ELMOD1: variants seen among roughly 807,000 people sequenced by gnomAD.
ELMOD1 encodes the protein ELMO domain-containing protein 1.
ELMOD1 carries 21 observed loss-of-function variants against 46.7 expected under a neutral mutation model. The ratio of observed to expected loss-of-function variants is 0.45; its 90% CI spans 0.32 to 0.65. The LOEUF (loss-of-function observed/expected upper bound fraction) is 0.65. Among genes scored for constraint, ELMOD1 ranks in the 30% least tolerant of loss-of-function variants. The pLI, the probability that ELMOD1 is intolerant of heterozygous loss-of-function variation, is 0.04. For missense variants in ELMOD1, 348 were observed against 407.8 expected, an observed-to-expected ratio of 0.85 and a Z score of 1.26; for synonymous variants, 122 against 138.2, an observed-to-expected ratio of 0.88 and a Z score of 0.82.
At chr11:107,599,779 A>AAAAG (rs1565368312) in intron 1 of ELMOD1, among the ~76,000 whole-genome samples, 2,915 of 150,084 alleles carry the variant, frequency 0.019, 99 homozygotes, top group African/African-American at 0.067. Flanking sequence ...AAAAAAAAAA[A>AAAAG]CTGTATCCTA....
At chr11:107,608,706 A>G (rs1384005486) in intron 1 of ELMOD1, among the ~76,000 whole-genome samples, 1 of 152,220 alleles carries the variant, frequency 6.6e-6, no homozygotes, top group Non-Finnish European at 1.5e-5. Context: ...TTTCTGGTTT[A>G]GAAACTTCTA....
chr11:107,598,951 G>A (rs574685393), intron 1 of ELMOD1, among the ~76,000 whole-genome samples: 9 of 152,276 alleles, frequency 5.9e-5, no homozygotes, highest in South Asian at 4.1e-4. Context: ...CCATTTTTAC[G>A]TGGGACCTAT....
intron 1 of ELMOD1, chr11:107,600,522 T>G (rs1027806025): frequency 2.6e-5 from 4 of 152,228 alleles, no homozygotes; most frequent in African/African-American, 9.6e-5. Flanking sequence ...GCTGAGGATT[T>G]GTGTAAAAAA....
chr11:107,656,346 C>T (rs1866630809), intron 11 of ELMOD1, among the ~76,000 whole-genome samples: 1 of 150,892 alleles, frequency 6.6e-6, no homozygotes, highest in Non-Finnish European at 1.5e-5. Context: ...CGAGATCATG[C>T]CACTGCACTC....
intron 4 of ELMOD1, among the ~76,000 whole-genome samples, 179 bp from the exon 5 acceptor site, chr11:107,631,401 C>CCT (rs1311880349): frequency 2.9e-5 from 2 of 68,486 alleles, no homozygotes; most frequent in African/African-American, 1.5e-4. Flanking sequence ...TGCACTACCC[C>CCT]CCCCCCCATC....
chr11:107,655,573 C>CTTTTTTTTTTTTTTTTTTT lies in ELMOD1; in HGVS notation c.699-345_699-344insTTTTTTTTTTTTTTTTTTT, dbSNP rs746890763. 2.1e-4 allele frequency among the ~76,000 whole-genome samples: 24 copies of CTTTTTTTTTTTTTTTTTTT among 112,446 alleles called. 3 individuals carry two copies. Among genetic ancestry groups the CTTTTTTTTTTTTTTTTTTT allele is most frequent in the East Asian group, 1.3e-3 (4 of 3,142 alleles). 73.8% of individuals were successfully genotyped at this position (112,446 alleles called of 152,430 possible). A position where few individuals can be genotyped will look rare whatever the true frequency, so the allele number is the denominator to read the frequency against. Reference sequence around the variant, plus strand: ...ATCAGATTACCCATTATTGAAATGCCTTTTTTTTTTTTTTTGTAAAGTGAA... The same window carrying CTTTTTTTTTTTTTTTTTTT: ...ATCAGATTACCCATTATTGAAATGCCTTTTTTTTTTTTTTTTTTTTTTTTTTTTTTTTTTGTAAAGTGAA... On this transcript the variant is annotated intron_variant, in intron 10 of 11. Coordinates refer to ENST00000265840, the MANE Select transcript of ELMOD1 (RefSeq NM_018712.4).
intron 6 of ELMOD1, among the ~76,000 whole-genome samples, chr11:107,637,413 C>T (rs1472148830): frequency 6.6e-6 from 1 of 152,168 alleles, no homozygotes; most frequent in African/African-American, 2.4e-5. Flanking sequence ...CTAAATCTGG[C>T]CAGGTGTGGT....
intron 1 of ELMOD1, among the ~76,000 whole-genome samples, chr11:107,615,186 A>T (rs1419177282): frequency 1.3e-5 from 2 of 149,478 alleles, no homozygotes; most frequent in East Asian, 4.0e-4. Flanking sequence ...AGCTACAAAG[A>T]TAGTACAGAG....
At chr11:107,651,547 G>A (rs11212312) in intron 9 of ELMOD1, among the ~76,000 whole-genome samples, 72 of 152,140 alleles carry the variant, frequency 4.7e-4, no homozygotes, top group Middle Eastern at 3.4e-3. Context: ...GATTCATTAA[G>A]TCATATTACA....
At chr11:107,656,640 A>G (rs1419660092) in intron 11 of ELMOD1, among the ~76,000 whole-genome samples, 1 of 151,936 alleles carries the variant, frequency 6.6e-6, no homozygotes, top group East Asian at 1.9e-4. Flanking sequence ...ATCTACACTT[A>G]TATTTTCAGG....
At chr11:107,608,802 A>G (rs1865730125) in intron 1 of ELMOD1, among the ~76,000 whole-genome samples, 2 of 152,194 alleles carry the variant, frequency 1.3e-5, no homozygotes, top group African/African-American at 4.8e-5. Flanking sequence ...TCCTCCAGGT[A>G]GCTCCCAGAG....
At chr11:107,611,625 A>G (rs185138971) in intron 1 of ELMOD1, among the ~76,000 whole-genome samples, 2 of 149,974 alleles carry the variant, frequency 1.3e-5, no homozygotes, top group African/African-American at 4.9e-5. Context: ...GAATGGCGTG[A>G]ACCTGGGAGG....
chr11:107,611,201 C>T (rs1177215455), intron 1 of ELMOD1, among the ~76,000 whole-genome samples: 1 of 151,924 alleles, frequency 6.6e-6, no homozygotes, highest in African/African-American at 2.4e-5. Context: ...AAAATATTCA[C>T]AAACTATGCA....
chr11:107,654,005 C>T, intron 9 of ELMOD1, 167 bp from the exon 10 acceptor site: 2 of 625,456 alleles, frequency 3.2e-6, no homozygotes, highest in Non-Finnish European at 5.7e-6. Context: ...TTAAATAATT[C>T]CATTTCTGAC....
Position 107,630,724 on chromosome 11 carries a change from G to GT in ELMOD1, c.189dup (p.Lys64Ter). 1 of 1,602,328 alleles carries GT rather than the reference G, an allele frequency of 6.2e-7. No homozygotes were observed. On this transcript the variant is annotated frameshift_variant, in exon 4 of 12. Transcript: ENST00000265840. LOFTEE classifies it high-confidence loss of function. Reference sequence around the variant, plus strand: ...GAAACATCACTGAGGGATTCTAAAAGTAAGGTAAGTAAAATTATTTTTCAG... The same window carrying GT: ...GAAACATCACTGAGGGATTCTAAAAGTTAAGGTAAGTAAAATTATTTTTCAG...
chr11:107,612,810 A>G (rs1281445956), intron 1 of ELMOD1, among the ~76,000 whole-genome samples: 2 of 152,240 alleles, frequency 1.3e-5, no homozygotes, highest in African/African-American at 4.8e-5. Context: ...CATTTTCTAT[A>G]TAAAACATTT....
At chr11:107,651,586 A>G (rs1354800105) in intron 9 of ELMOD1, among the ~76,000 whole-genome samples, 1 of 152,196 alleles carries the variant, frequency 6.6e-6, no homozygotes, top group Non-Finnish European at 1.5e-5. Flanking sequence ...GTAATATTTT[A>G]TACGATTAAA....
At chr11:107,616,840 A>T (rs1485326106) in intron 1 of ELMOD1, among the ~76,000 whole-genome samples, 3 of 152,122 alleles carry the variant, frequency 2.0e-5, no homozygotes, top group Non-Finnish European at 4.4e-5. Flanking sequence ...CCTTGCCCTG[A>T]CCCAGCTTTA....
intron 6 of ELMOD1, among the ~76,000 whole-genome samples, chr11:107,636,000 A>T (rs1291264618): frequency 6.6e-6 from 1 of 152,192 alleles, no homozygotes; most frequent in Non-Finnish European, 1.5e-5. Context: ...TTGTAATCTG[A>T]GAAAACGTCA....
Sources: allele counts gnomAD v4.1 joint callset (sites outside exome capture counted in the v4.1 genomes callset), GRCh38; gene constraint gnomAD v4.1.1; transcripts MANE v1.5; gene names NCBI Gene and HGNC (gene_info 2026-07-23, HGNC 2026-07-21).